Variants in NUP160 observed in about 807,000 individuals in gnomAD.
NUP160 encodes nucleoporin 160, also known as nuclear pore complex protein Nup160.
In NUP160, 94 loss-of-function variants were observed where a neutral mutation model predicts 196.9. That is an observed-to-expected ratio of 0.48 (90% CI 0.40 to 0.57). The LOEUF (loss-of-function observed/expected upper bound fraction) is 0.57. Among genes scored for constraint, NUP160 ranks in the 20% least tolerant of loss-of-function variants. The probability of loss-of-function intolerance (pLI) is 0.00; values close to 1 mark genes in which losing one functional copy is unlikely to be tolerated. For missense variants in NUP160, 1,638 were observed against 1,748.3 expected, an observed-to-expected ratio of 0.94 and a Z score of 1.13; for synonymous variants, 605 against 619.7, an observed-to-expected ratio of 0.98 and a Z score of 0.35.
intron 23 of NUP160, among the ~76,000 whole-genome samples, chr11:47,800,453 G>A (rs565640943): frequency 7.3e-5 from 11 of 150,740 alleles, no homozygotes; most frequent in Non-Finnish European, 1.5e-4. Flanking sequence ...GCAGTGGCAC[G>A]ATCTCAGCTC....
exon 4 of NUP160, chr11:47,840,014 C>T: frequency 6.2e-7 from 1 of 1,614,158 alleles, no homozygotes; most frequent in South Asian, 1.1e-5. Flanking sequence ...GTGAAATCAA[C>T]TTTTCCAATG....
At chr11:47,828,831 T>C (rs146886201) in intron 7 of NUP160, among the ~76,000 whole-genome samples, 277 of 152,200 alleles carry the variant, frequency 1.8e-3, no homozygotes, top group African/African-American at 6.1e-3. Context: ...GACCATTCAA[T>C]GTGTTAAGAA....
intron 2 of NUP160, among the ~76,000 whole-genome samples, chr11:47,846,473 C>T (rs1397903973): frequency 6.6e-6 from 1 of 152,150 alleles, no homozygotes; most frequent in African/African-American, 2.4e-5. Flanking sequence ...GCAACCCCTC[C>T]CCACTCACAT....
chr11:47,808,002 G>A (rs546519430), intron 18 of NUP160, among the ~76,000 whole-genome samples: 1 of 152,128 alleles, frequency 6.6e-6, no homozygotes, highest in South Asian at 2.1e-4. Context: ...TCTTTTTCCC[G>A]GCTGGCGTGG....
At position 47,780,379 on chromosome 11, in the gene NUP160, A is replaced by G. The variant is rs1467327632; in HGVS notation, c.4185T>C (p.Ala1395=). The G allele has an allele frequency of 1.9e-6, 3 of 1,613,778 alleles. No homozygotes were observed. The highest frequency in any genetic ancestry group is 2.2e-5 in the South Asian group (2 of 91,086). Reference sequence around the variant, plus strand: ...GACTGTTGGCACTGTTCTCTCCCAGAGCTTGGAGAAGCTGATCAATAGAGG... The same window carrying G: ...GACTGTTGGCACTGTTCTCTCCCAGGGCTTGGAGAAGCTGATCAATAGAGG... Residue 1395 remains alanine, a synonymous_variant, in exon 35 of 36, where the codon GCT becomes GCC. Coordinates refer to ENST00000378460, the Ensembl canonical transcript of NUP160.
chr11:47,783,265 G>C (rs2097662550), intron 33 of NUP160, 67 bp from the exon 34 acceptor site: 1 of 1,538,324 alleles, frequency 6.5e-7, no homozygotes, highest in South Asian at 1.2e-5. Flanking sequence ...ACCAAAGAAT[G>C]TTGAGTGGCT....
At chr11:47,787,787 G>T (rs1229781297) in intron 31 of NUP160, among the ~76,000 whole-genome samples, 1 of 151,290 alleles carries the variant, frequency 6.6e-6, no homozygotes. Flanking sequence ...GCGCGATCTC[G>T]GCTCATTGCA....
At chr11:47,816,627 T>C (rs2097684626) in intron 11 of NUP160, among the ~76,000 whole-genome samples, 1 of 151,858 alleles carries the variant, frequency 6.6e-6, no homozygotes, top group African/African-American at 2.4e-5. Flanking sequence ...ACTACAAAAA[T>C]TAGCCGGGTG....
chr11:47,785,111 A>G, intron 32 of NUP160, 48 bp from the exon 33 acceptor site: 1 of 570,940 alleles, frequency 1.8e-6, no homozygotes, highest in Non-Finnish European at 2.6e-6. Context: ...CTTAATAGCT[A>G]TTTAGAGTAC....
At chr11:47,813,213 A>C in intron 14 of NUP160, 103 bp downstream of exon 14, 1 of 1,037,990 alleles carries the variant, frequency 9.6e-7, no homozygotes. Flanking sequence ...TGGTAAAGTG[A>C]CCAAGACAGG....
In NUP160 at chr11:47,798,858, T is replaced by C. The variant is rs566953646; in HGVS notation, c.2896-395A>G. 1.3e-3 allele frequency among the ~76,000 whole-genome samples: 193 copies of C among 149,652 alleles called. 1 individual carries two copies. Among genetic ancestry groups the C allele is most frequent in the Admixed American group, 4.3e-3 (64 of 14,916 alleles). ...CCTCAGTGCCTAGTATACAGTAGTC[T>C]CTCCGTAAATACTTGTTGAGGCTGG... On this transcript the variant is annotated intron_variant, in intron 23 of 35. Coordinates refer to ENST00000378460, the Ensembl canonical transcript of NUP160.
rs186334213 is a variant in NUP160 at position 47,843,927 on chromosome 11, A to C, written c.315-3339T>G. ...GGATATCTATCAGGCATCTCAGATT[A>C]CACCTGTCCAAAACAGAACTCCTGG... On this transcript the variant is annotated intron_variant, in intron 2 of 35. Transcript: ENST00000378460. Among the ~76,000 whole-genome samples the C allele has an allele frequency of 3.0e-3, 460 of 152,326 alleles. 2 individuals carry two copies. The highest frequency in any genetic ancestry group is 3.4e-3 in the Middle Eastern group (1 of 294).
At chr11:47,813,367 G>A in exon 14 of NUP160, 1 of 1,612,254 alleles carries the variant, frequency 6.2e-7, no homozygotes, top group Admixed American at 1.7e-5. Flanking sequence ...TAAGGCAGGA[G>A]ATACAAATGA....
At chr11:47,798,022 G>A (rs2097671854) in exon 26 of NUP160, 1 of 1,580,450 alleles carries the variant, frequency 6.3e-7, no homozygotes, top group Non-Finnish European at 8.6e-7. Context: ...AGATCCTGTA[G>A]CTGTGAGCGT....
chr11:47,841,519 C>T, intron 2 of NUP160: 1 of 409,552 alleles, frequency 2.4e-6, no homozygotes, highest in South Asian at 2.4e-5. Context: ...CACTGGCCAC[C>T]ACATGGTCCA....
chr11:47,817,007 ACT>A (rs1373167399), intron 11 of NUP160, among the ~76,000 whole-genome samples: 1 of 144,708 alleles, frequency 6.9e-6, no homozygotes, highest in African/African-American at 2.6e-5. Context: ...ATAGGGTGTC[ACT>A]CTGTTTCCCA....
rs372159602 is a variant in NUP160 at position 47,831,842 on chromosome 11, CAAAAAA to C, written c.1101+3803_1101+3808del. Among the ~76,000 whole-genome samples the C allele has an allele frequency of 3.4e-3, 225 of 66,678 alleles. 1 individual carries two copies. The highest frequency in any genetic ancestry group is 9.3e-3 in the African/African-American group (131 of 14,110). 43.7% of individuals were successfully genotyped at this position (66,678 alleles called of 152,430 possible). A position where few individuals can be genotyped will look rare whatever the true frequency, so the allele number is the denominator to read the frequency against. On this transcript the variant is annotated intron_variant, in intron 7 of 35. Transcript: ENST00000378460. ...TTAGTGACAAAGCGAGACTCTCTCT[CAAAAAA>C]AAAAAAAAAAAAAAAAAAAAGAGAC...
Position 47,821,770 on chromosome 11 carries a change from GC to G in NUP160, c.1230del (p.Trp410CysfsTer9). The G allele has an allele frequency of 6.2e-7, 1 of 1,614,068 alleles. No homozygotes were observed. Among genetic ancestry groups the G allele is most frequent in the Non-Finnish European group, 8.5e-7 (1 of 1,179,960 alleles). On this transcript the variant is annotated frameshift_variant, in exon 9 of 36. Coordinates refer to ENST00000378460, the Ensembl canonical transcript of NUP160. LOFTEE classifies it high-confidence loss of function. Reference sequence around the variant, plus strand: ...ACTACTGTTTGGTTCTCAGCATCATGCCACAGGGCCCAGATATCCGTGGAAG... The same window carrying G: ...ACTACTGTTTGGTTCTCAGCATCATGCACAGGGCCCAGATATCCGTGGAAG...
intron 11 of NUP160, 60 bp from the exon 12 acceptor site, chr11:47,816,089 T>A: frequency 8.7e-7 from 1 of 1,150,150 alleles, no homozygotes; most frequent in Non-Finnish European, 1.3e-6. Flanking sequence ...GGAAAACGTT[T>A]CAGTTTAGAA....
Sources: allele counts gnomAD v4.1 joint callset (sites outside exome capture counted in the v4.1 genomes callset), GRCh38; gene constraint gnomAD v4.1.1; transcripts MANE v1.5; gene names NCBI Gene and HGNC (gene_info 2026-07-23, HGNC 2026-07-21).